Variants in JAZF1 observed in about 807,000 individuals in gnomAD.
The protein encoded by JAZF1 is juxtaposed with another zinc finger protein 1.
A neutral mutation model predicts 26.4 loss-of-function variants in JAZF1; 8 were observed. The observed-to-expected ratio is 0.30, with a 90% CI of 0.18 to 0.55. JAZF1 has a LOEUF of 0.55. JAZF1 is among the 20% of genes least tolerant of loss of function. The pLI is 0.94. For synonymous variants in JAZF1, 126 were observed against 122.3 expected (o/e 1.03, Z -0.20); for missense variants, 199 against 322.0 (o/e 0.62, Z 2.92).
intron 1 of JAZF1, among the ~76,000 whole-genome samples, chr7:28,127,895 C>T (rs914061575): frequency 7.2e-5 from 11 of 152,022 alleles, no homozygotes; most frequent in Non-Finnish European, 1.6e-4. Context: ...GGCGGGTGTT[C>T]TCATGATTCA....
At chr7:27,925,262 A>C (rs1413898164) in intron 2 of JAZF1, among the ~76,000 whole-genome samples, 1 of 152,258 alleles carries the variant, frequency 6.6e-6, no homozygotes, top group Non-Finnish European at 1.5e-5. Context: ...AAAACAAATA[A>C]GGTGAAGCTA....
In JAZF1 at chr7:27,830,760, G is replaced by A. The variant is rs1224616385; in HGVS notation, c.*2040C>T. 5.0e-6 allele frequency: 1 copy of A among 200,198 alleles called. No individual in the cohort carries two copies. The highest frequency in any genetic ancestry group is 1.0e-5 in the Non-Finnish European group (1 of 96,916). The allele number at this position is 200,198 out of a possible 1,614,324, so 12.4% of individuals were successfully genotyped here. A position where few individuals can be genotyped will look rare whatever the true frequency, so the allele number is the denominator to read the frequency against. The stretch of plus-strand genomic sequence containing the variant: ...TATAATTTAAAGCACAGTTTTCACA[G>A]ACACAGTACAATACATTCACTATAC... On this transcript the variant is annotated 3_prime_UTR_variant, in exon 5 of 5. Coordinates refer to ENST00000283928, the MANE Select transcript of JAZF1 (RefSeq NM_175061.4).
intron 1 of JAZF1, among the ~76,000 whole-genome samples, chr7:28,105,759 C>T (rs772475320): frequency 2.6e-5 from 4 of 152,142 alleles, no homozygotes; most frequent in East Asian, 3.8e-4. Flanking sequence ...TTACCACAGA[C>T]GCAAGAGGAA....
chr7:28,108,181 C>G (rs1268627367), intron 1 of JAZF1, among the ~76,000 whole-genome samples: 2 of 152,218 alleles, frequency 1.3e-5, no homozygotes, highest in Non-Finnish European at 2.9e-5. Context: ...TTCCTCAGCC[C>G]TTGCTCTGCC....
chr7:27,931,667 A>C (rs1157014824), intron 2 of JAZF1, among the ~76,000 whole-genome samples: 1 of 151,996 alleles, frequency 6.6e-6, no homozygotes, highest in Non-Finnish European at 1.5e-5. Context: ...AATACAAAAA[A>C]ATTAGCTGGG....
At chr7:28,064,679 T>C (rs1277852557) in intron 1 of JAZF1, among the ~76,000 whole-genome samples, 1 of 152,198 alleles carries the variant, frequency 6.6e-6, no homozygotes, top group African/African-American at 2.4e-5. Flanking sequence ...GAGATCTTAT[T>C]ATCATCTAAC....
intron 1 of JAZF1, among the ~76,000 whole-genome samples, chr7:28,031,675 T>A (rs1036816683): frequency 6.6e-6 from 1 of 151,416 alleles, no homozygotes; most frequent in Non-Finnish European, 1.5e-5. Context: ...CACTTATAAG[T>A]GGGAGCTGAA....
rs988726284 is a variant in JAZF1, at chr7:27,986,801, G to A, written c.188+5108C>T. Among the ~76,000 whole-genome samples, 10 of 152,170 alleles carry A rather than the reference G, an allele frequency of 6.6e-5. No individual in the cohort carries two copies. The East Asian group carries it at 9.7e-4, about 15-fold the overall frequency. On this transcript the variant is annotated intron_variant, in intron 2 of 4. Transcript: ENST00000283928. Reference sequence around the variant, plus strand: ...CTGCCCAGTGCCTGGGATTGCAGGCGCGCGCTGCCATGCCTGACTGGTTTT... The same window carrying A: ...CTGCCCAGTGCCTGGGATTGCAGGCACGCGCTGCCATGCCTGACTGGTTTT...
chr7:28,178,712 A>G (rs1322163995), intron 1 of JAZF1, among the ~76,000 whole-genome samples: 1 of 152,238 alleles, frequency 6.6e-6, no homozygotes, highest in East Asian at 1.9e-4. Flanking sequence ...TGACTATTCA[A>G]TCATGATATG....
At chr7:28,121,888 G>A (rs910149507) in intron 1 of JAZF1, among the ~76,000 whole-genome samples, 3 of 152,234 alleles carry the variant, frequency 2.0e-5, no homozygotes, top group South Asian at 4.1e-4. Context: ...TGGTTTAGCC[G>A]AATCCCATAA....
chr7:27,878,475 A>G (rs1783718677), intron 3 of JAZF1, among the ~76,000 whole-genome samples: 1 of 152,148 alleles, frequency 6.6e-6, no homozygotes, highest in Non-Finnish European at 1.5e-5. Flanking sequence ...AATGCTGGTT[A>G]TATCTTACCA....
In JAZF1 at chr7:28,070,439, T is replaced by C. The variant is rs547698176; in HGVS notation, c.116-78458A>G. Reference sequence around the variant, plus strand: ...AAAGCTTCTAGATATTTGCAAAGGTTTTGTGAAATATGAGCTTTGGCTAAG... The same window carrying C: ...AAAGCTTCTAGATATTTGCAAAGGTCTTGTGAAATATGAGCTTTGGCTAAG... On this transcript the variant is annotated intron_variant, in intron 1 of 4. Transcript: ENST00000283928. Among the ~76,000 whole-genome samples the C allele has an allele frequency of 3.8e-4, 58 of 152,320 alleles. 1 individual carries two copies. Among genetic ancestry groups the C allele is most frequent in the Middle Eastern group, 6.8e-3 (2 of 294 alleles).
intron 1 of JAZF1, among the ~76,000 whole-genome samples, chr7:28,120,966 A>G (rs1782592523): frequency 1.3e-5 from 2 of 152,132 alleles, no homozygotes; most frequent in Admixed American, 1.3e-4. Flanking sequence ...TTGGGAGGCC[A>G]AGGCGGGTGG....
At chr7:28,109,879 A>C (rs1170826313) in intron 1 of JAZF1, among the ~76,000 whole-genome samples, 2 of 152,232 alleles carry the variant, frequency 1.3e-5, no homozygotes, top group Admixed American at 6.5e-5. Context: ...AGAGATGGGC[A>C]TATGAAGACT....
At chr7:27,974,750 TC>T (rs2128360592) in intron 2 of JAZF1, among the ~76,000 whole-genome samples, 2 of 152,310 alleles carry the variant, frequency 1.3e-5, no homozygotes, top group South Asian at 2.1e-4. Context: ...GTTTGGCTGT[TC>T]TTCTGAAGCT....
At chr7:27,922,437 C>CG (rs375628016) in intron 2 of JAZF1, among the ~76,000 whole-genome samples, 4 of 151,796 alleles carry the variant, frequency 2.6e-5, no homozygotes, top group African/African-American at 7.2e-5. Context: ...TTAGTAGAGA[C>CG]GGGGTTTCAC....
intron 1 of JAZF1, among the ~76,000 whole-genome samples, chr7:28,118,793 A>AC (rs1784791436): frequency 2.3e-5 from 3 of 128,972 alleles, no homozygotes; most frequent in South Asian, 2.6e-4. Flanking sequence ...CACACACACA[A>AC]CACACACACA....
chr7:28,000,219 T>G (rs576668674), intron 1 of JAZF1, among the ~76,000 whole-genome samples: 1 of 152,160 alleles, frequency 6.6e-6, no homozygotes, highest in African/African-American at 2.4e-5. Context: ...TGCAGGCAAT[T>G]TTGCAGCACC....
intron 1 of JAZF1, among the ~76,000 whole-genome samples, chr7:28,041,399 T>TATTTTTTAAAAGGTGAC (rs1249918934): frequency 8.6e-5 from 13 of 151,338 alleles, no homozygotes; most frequent in African/African-American, 2.2e-4. Flanking sequence ...TGGTATAAGC[T>TATTTTTTAAAAGGTGAC]ATTTTTTAAA....
Sources: allele counts gnomAD v4.1 joint callset (sites outside exome capture counted in the v4.1 genomes callset), GRCh38; gene constraint gnomAD v4.1.1; transcripts MANE v1.5; gene names NCBI Gene and HGNC (gene_info 2026-07-23, HGNC 2026-07-21).